The following TAFA2 variants were observed in gnomAD, a reference collection of about 807,000 sequenced individuals.
The protein encoded by TAFA2 is chemokine-like protein TAFA-2.
A neutral mutation model predicts 18.8 loss-of-function variants in TAFA2; 7 were observed. The ratio of observed to expected loss-of-function variants is 0.37; its 90% CI spans 0.21 to 0.70. TAFA2 has a LOEUF of 0.70. Among genes scored for constraint, TAFA2 ranks in the 30% least tolerant of loss-of-function variants. TAFA2 has a pLI of 0.53. For synonymous variants in TAFA2, 60 were observed against 54.2 expected, an observed-to-expected ratio of 1.11 and a Z score of -0.47; for missense variants, 122 against 158.1, an observed-to-expected ratio of 0.77 and a Z score of 1.23.
intron 1 of TAFA2, among the ~76,000 whole-genome samples, chr12:62,160,267 A>T (rs2062398042): frequency 6.6e-6 from 1 of 152,194 alleles, no homozygotes; most frequent in African/African-American, 2.4e-5. Context: ...TACAAGAAAA[A>T]TCCAATGTGT....
intron 1 of TAFA2, among the ~76,000 whole-genome samples, chr12:61,939,235 A>G (rs1877897183): frequency 6.6e-6 from 1 of 152,180 alleles, no homozygotes; most frequent in South Asian, 2.1e-4. Flanking sequence ...GACATTAATG[A>G]GATTTGTGTG....
chr12:61,723,340 A>G (rs1044957757), intron 4 of TAFA2, among the ~76,000 whole-genome samples: 5 of 152,168 alleles, frequency 3.3e-5, no homozygotes, highest in African/African-American at 1.2e-4. Context: ...CCTAATATTT[A>G]TTAAATGAAA....
At chr12:62,044,366 G>C (rs1881852115) in intron 1 of TAFA2, among the ~76,000 whole-genome samples, 1 of 152,068 alleles carries the variant, frequency 6.6e-6, no homozygotes, top group South Asian at 2.1e-4. Flanking sequence ...AAAGTGGTGA[G>C]AGGAAATGGA....
chr12:61,838,687 T>A (rs1873040995), intron 2 of TAFA2, among the ~76,000 whole-genome samples: 3 of 152,074 alleles, frequency 2.0e-5, no homozygotes, highest in Non-Finnish European at 2.9e-5. Flanking sequence ...AAAAATGTGC[T>A]CTTTCCAGGC....
intron 1 of TAFA2, among the ~76,000 whole-genome samples, chr12:62,100,181 G>A (rs1019966958): frequency 6.8e-6 from 1 of 147,656 alleles, no homozygotes; most frequent in Non-Finnish European, 1.5e-5. Context: ...AGCCCTTCAA[G>A]TTTGTTCTTT....
intron 1 of TAFA2, among the ~76,000 whole-genome samples, chr12:61,912,444 C>G (rs1876648698): frequency 6.6e-6 from 1 of 152,040 alleles, no homozygotes; most frequent in African/African-American, 2.4e-5. Context: ...TTAAAACATG[C>G]CTATTAGAAA....
At chr12:61,755,398 G>T (rs1046425245) in intron 2 of TAFA2, among the ~76,000 whole-genome samples, 3 of 152,076 alleles carry the variant, frequency 2.0e-5, no homozygotes, top group Admixed American at 6.6e-5. Flanking sequence ...ACCCTGCAAT[G>T]GGACTGAGGC....
intron 2 of TAFA2, among the ~76,000 whole-genome samples, chr12:61,843,019 C>A (rs1339098150): frequency 6.6e-6 from 1 of 151,948 alleles, no homozygotes; most frequent in African/African-American, 2.4e-5. Context: ...ACCCGACATG[C>A]AGAGGGGAAG....
chr12:62,080,113 ACT>A (rs1868296926), intron 1 of TAFA2, among the ~76,000 whole-genome samples: 2 of 151,996 alleles, frequency 1.3e-5, no homozygotes, highest in Non-Finnish European at 2.9e-5. Context: ...CCAATTCATC[ACT>A]CTCTGTCAGC....
chr12:61,861,416 A>C (rs763644764), intron 2 of TAFA2, among the ~76,000 whole-genome samples: 8 of 151,620 alleles, frequency 5.3e-5, no homozygotes, highest in Middle Eastern at 3.4e-3. Context: ...CACCTGGATA[A>C]TTTTTTTTAA....
chr12:62,178,795 G>T (rs75253163), intron 1 of TAFA2, among the ~76,000 whole-genome samples: 3,371 of 152,252 alleles, frequency 0.022, 127 homozygotes, highest in African/African-American at 0.076. Context: ...AAGTAAATCT[G>T]CCCTGTAATC....
intron 1 of TAFA2, among the ~76,000 whole-genome samples, chr12:62,119,990 T>C (rs1437473950): frequency 6.6e-6 from 1 of 151,812 alleles, no homozygotes; most frequent in Non-Finnish European, 1.5e-5. Flanking sequence ...GGAGAATCAC[T>C]TGAACCTGGG....
intron 1 of TAFA2, among the ~76,000 whole-genome samples, chr12:61,918,049 T>C (rs1001330518): frequency 5.3e-5 from 8 of 152,106 alleles, no homozygotes; most frequent in Admixed American, 3.9e-4. Flanking sequence ...ATAGTGGATG[T>C]ATATATCCAT....
chr12:62,115,976 C>A (rs10877794), intron 1 of TAFA2, among the ~76,000 whole-genome samples: 23,595 of 151,994 alleles, frequency 0.16, 1,943 homozygotes, highest in East Asian at 0.31. Flanking sequence ...AACAGAAAGT[C>A]ATATGGAGAG....
intron 4 of TAFA2, among the ~76,000 whole-genome samples, chr12:61,743,635 A>T (rs2120711463): frequency 6.6e-6 from 1 of 151,796 alleles, no homozygotes; most frequent in South Asian, 2.1e-4. Context: ...TTCACAAACA[A>T]CTCTCCACTA....
At chr12:62,091,517 C>A (rs1467494891) in intron 1 of TAFA2, among the ~76,000 whole-genome samples, 1 of 151,838 alleles carries the variant, frequency 6.6e-6, no homozygotes, top group Non-Finnish European at 1.5e-5. Flanking sequence ...CTTGTTATCA[C>A]TAGAGGGGTG....
rs1417704833 is a variant in TAFA2 at position 61,748,621 on chromosome 12, C to G, written c.384+5001G>C. ...TAGATCCACCAGCAGAGCAGAGTCACTGAGATTTGGTATGAAATCCAAATG... is the reference window on the plus strand; with the variant it reads ...TAGATCCACCAGCAGAGCAGAGTCAGTGAGATTTGGTATGAAATCCAAATG... On this transcript the variant is annotated intron_variant, in intron 4 of 4. Coordinates refer to ENST00000416284, the MANE Select transcript of TAFA2 (RefSeq NM_178539.5). Among the ~76,000 whole-genome samples the G allele has an allele frequency of 3.3e-5, 5 of 152,224 alleles. 1 individual carries two copies. The highest frequency in any genetic ancestry group is 2.6e-4 in the Admixed American group (4 of 15,280).
At chr12:61,886,036 G>A (rs1875361557) in intron 1 of TAFA2, among the ~76,000 whole-genome samples, 1 of 152,120 alleles carries the variant, frequency 6.6e-6, no homozygotes, top group Admixed American at 6.5e-5. Flanking sequence ...CTCAACTCTG[G>A]AAATAATCCC....
intron 1 of TAFA2, among the ~76,000 whole-genome samples, chr12:62,055,553 A>G (rs941814662): frequency 2.6e-5 from 4 of 152,190 alleles, no homozygotes; most frequent in African/African-American, 9.7e-5. Flanking sequence ...TTTCAATGAC[A>G]AACTAGAAAG....
Sources: gnomAD v4.1 joint callset for allele counts (sites outside exome capture counted in the v4.1 genomes callset) on GRCh38, gnomAD v4.1.1 for gene constraint, MANE v1.5 for transcripts, NCBI Gene and HGNC (gene_info 2026-07-23, HGNC 2026-07-21) for gene names.